Variants in RABGEF1 observed in about 807,000 individuals in gnomAD.
RABGEF1 encodes RAB guanine nucleotide exchange factor 1.
Under a neutral mutation model 57.3 loss-of-function variants are expected in RABGEF1, and 26 were observed. The observed-to-expected ratio is 0.45, with a 90% CI of 0.33 to 0.63. The LOEUF (loss-of-function observed/expected upper bound fraction) is 0.63, where lower values mean the gene tolerates loss of function less well. RABGEF1 is among the 20% of genes least tolerant of loss of function. RABGEF1 has a pLI of 0.02. For synonymous variants in RABGEF1, 185 were observed against 210.7 expected, an observed-to-expected ratio of 0.88 and a Z score of 1.06; for missense variants, 464 against 607.6, an observed-to-expected ratio of 0.76 and a Z score of 2.48.
chr7:66,782,465 C>CTT (rs199988808), intron 3 of RABGEF1, among the ~76,000 whole-genome samples: 7 of 139,498 alleles, frequency 5.0e-5, no homozygotes, highest in Non-Finnish European at 6.2e-5. Flanking sequence ...ACATACCTTA[C>CTT]TTTTTTTTTT....
At chr7:66,674,436 C>T in the RABGEF1 span, among the ~76,000 whole-genome samples, 1 of 152,064 alleles carries the variant, frequency 6.6e-6, no homozygotes, top group African/African-American at 2.4e-5. Flanking sequence ...GATCCACCCA[C>T]TTCGGCCTCC....
At chr7:66,777,115 T>C (rs1436988274) in intron 3 of RABGEF1, among the ~76,000 whole-genome samples, 2 of 152,244 alleles carry the variant, frequency 1.3e-5, no homozygotes, top group Admixed American at 1.3e-4. Context: ...GTTATTCTTC[T>C]GATAGAATTA....
At chr7:66,797,647 C>CTGTTG in intron 6 of RABGEF1, 141 bp downstream of exon 6, 2 of 942,324 alleles carry the variant, frequency 2.1e-6, no homozygotes, top group South Asian at 3.5e-5. Context: ...GGAAGCAGCT[C>CTGTTG]TGTTGTGTAA....
chr7:66,808,231 T>C (rs932482735), intron 8 of RABGEF1, among the ~76,000 whole-genome samples: 2 of 152,012 alleles, frequency 1.3e-5, no homozygotes, highest in African/African-American at 4.8e-5. Flanking sequence ...TTTTTTTTTT[T>C]TCCTGAGACA....
chr7:66,675,210 A>C, the RABGEF1 span, among the ~76,000 whole-genome samples: 1 of 152,150 alleles, frequency 6.6e-6, no homozygotes, highest in Non-Finnish European at 1.5e-5. Flanking sequence ...AGTGTAACAC[A>C]GCTGGCAGTC....
At chr7:66,663,357 T>C in the RABGEF1 span, among the ~76,000 whole-genome samples, 2 of 152,220 alleles carry the variant, frequency 1.3e-5, no homozygotes, top group Non-Finnish European at 2.9e-5. Flanking sequence ...CTTTAATTCC[T>C]ATAGTGCCGC....
chr7:66,694,195 C>T (rs900585281), intron 1 of RABGEF1, among the ~76,000 whole-genome samples: 1 of 152,196 alleles, frequency 6.6e-6, no homozygotes, highest in African/African-American at 2.4e-5. Flanking sequence ...CAAAGAGGTC[C>T]CAATGCAGCG....
At chr7:66,748,875 T>C in intron 1 of RABGEF1, 1 of 241,710 alleles carries the variant, frequency 4.1e-6, no homozygotes, top group Non-Finnish European at 9.0e-6. Context: ...TTTCAGCACC[T>C]TATTGAAACC....
intron 7 of RABGEF1, among the ~76,000 whole-genome samples, chr7:66,804,738 G>GAAAA (rs35870963): frequency 9.5e-6 from 1 of 105,572 alleles, no homozygotes; most frequent in Non-Finnish European, 1.9e-5. Flanking sequence ...AACTCAGTCT[G>GAAAA]AAAAAAAAAA....
upstream of RABGEF1, among the ~76,000 whole-genome samples, chr7:66,736,927 C>T (rs189018343): frequency 1.1e-3 from 163 of 152,158 alleles, no homozygotes; most frequent in African/African-American, 3.5e-3. Flanking sequence ...CAGACACCTA[C>T]GTATACAGAC....
chr7:66,795,359 G>A (rs1813776319), intron 4 of RABGEF1, 152 bp from the exon 5 acceptor site: 1 of 631,358 alleles, frequency 1.6e-6, no homozygotes, highest in Non-Finnish European at 2.8e-6. Flanking sequence ...TTAATGGATA[G>A]GTTTTACTCT....
intron 1 of RABGEF1, among the ~76,000 whole-genome samples, chr7:66,689,366 A>G (rs1352363196): frequency 1.3e-5 from 2 of 152,194 alleles, no homozygotes; most frequent in Non-Finnish European, 2.9e-5. Flanking sequence ...AAATGAGGAC[A>G]TTACTGTAAC....
At chr7:66,784,003 A>G (rs1810570289) in intron 4 of RABGEF1, among the ~76,000 whole-genome samples, 162 bp downstream of exon 4, 1 of 152,092 alleles carries the variant, frequency 6.6e-6, no homozygotes, top group Admixed American at 6.6e-5. Context: ...CTAAAACCCA[A>G]CTCTTAGGCT....
At chr7:66,659,336 C>T in the RABGEF1 span, among the ~76,000 whole-genome samples, 1 of 151,716 alleles carries the variant, frequency 6.6e-6, no homozygotes, top group African/African-American at 2.4e-5. Flanking sequence ...CCTGTAACCC[C>T]AGCTGCTTGG....
intron 4 of RABGEF1, among the ~76,000 whole-genome samples, chr7:66,794,280 TTCCTTTCTC>T (rs1237208103): frequency 9.9e-5 from 15 of 150,892 alleles, no homozygotes; most frequent in African/African-American, 3.2e-4. Flanking sequence ...TTCTCTTTCT[TTCCTTTCTC>T]TCCTTTCTCT....
intron 1 of RABGEF1, among the ~76,000 whole-genome samples, chr7:66,741,591 G>A (rs1798961181): frequency 6.6e-6 from 1 of 152,208 alleles, no homozygotes; most frequent in Admixed American, 6.5e-5. Flanking sequence ...TTGCCTTTGA[G>A]ATTAGGTAGG....
chr7:66,670,638 G>A, the RABGEF1 span, among the ~76,000 whole-genome samples: 1 of 151,600 alleles, frequency 6.6e-6, no homozygotes, highest in Non-Finnish European at 1.5e-5. Context: ...TGAGGCCAGG[G>A]GTTCAAGACC....
chr7:66,790,974 C>G (rs910305839), intron 4 of RABGEF1, among the ~76,000 whole-genome samples: 1 of 152,224 alleles, frequency 6.6e-6, no homozygotes. Context: ...ACCCTTCTGT[C>G]TGCACTGTGT....
intron 2 of RABGEF1, among the ~76,000 whole-genome samples, chr7:66,730,196 CT>C (rs1797140271): frequency 6.6e-6 from 1 of 152,206 alleles, no homozygotes; most frequent in Non-Finnish European, 1.5e-5. Context: ...CTCCTGTCCC[CT>C]GAGGGAGGAC....
Sources: allele counts gnomAD v4.1 joint callset (sites outside exome capture counted in the v4.1 genomes callset), GRCh38; gene constraint gnomAD v4.1.1; transcripts MANE v1.5; gene names NCBI Gene and HGNC (gene_info 2026-07-23, HGNC 2026-07-21).